Variants in CYP24A1 observed in about 807,000 individuals in gnomAD.
CYP24A1 encodes 1,25-dihydroxyvitamin D(3) 24-hydroxylase, mitochondrial.
In CYP24A1, 68 loss-of-function variants were observed where a neutral mutation model predicts 62.4. That is an observed-to-expected ratio of 1.09 (90% confidence interval 0.90 to 1.33). CYP24A1 has a LOEUF of 1.33. Ranked by LOEUF, CYP24A1 falls within the 40% of genes most tolerant of loss-of-function variation. CYP24A1 has a pLI of 0.00. For missense variants in CYP24A1, 787 were observed against 653.0 expected (o/e 1.21, Z -2.24); for synonymous variants, 267 against 253.0 (o/e 1.06, Z -0.52).
At chr20:54,147,653 T>C in the CYP24A1 span, among the ~76,000 whole-genome samples, 2 of 152,246 alleles carry the variant, frequency 1.3e-5, no homozygotes, top group Admixed American at 1.3e-4. Flanking sequence ...CCAGACAGCT[T>C]CTAAGAGTTT....
chr20:54,164,849 GA>G (rs2092665729), intron 5 of CYP24A1, among the ~76,000 whole-genome samples: 1 of 149,106 alleles, frequency 6.7e-6, no homozygotes, highest in Non-Finnish European at 1.5e-5. Context: ...AAAAAAAGAG[GA>G]AAAACGATAA....
chr20:54,165,124 G>A (rs1296625148), intron 5 of CYP24A1, among the ~76,000 whole-genome samples: 1 of 152,222 alleles, frequency 6.6e-6, no homozygotes, highest in Non-Finnish European at 1.5e-5. Context: ...CAACCCCCAG[G>A]CCGTGAACCA....
At chr20:54,161,797 G>C (rs1433752585) in intron 7 of CYP24A1, among the ~76,000 whole-genome samples, 2 of 152,194 alleles carry the variant, frequency 1.3e-5, no homozygotes, top group Non-Finnish European at 2.9e-5. Context: ...TGTGGAGCAG[G>C]AGGAGAAATG....
In CYP24A1 at chr20:54,164,567, A is replaced by C; in HGVS notation, c.733-4T>G. 1 of 1,614,162 alleles carries C rather than the reference A, an allele frequency of 6.2e-7. No homozygotes were observed. Among genetic ancestry groups the C allele is most frequent in the Non-Finnish European group, 8.5e-7 (1 of 1,180,018 alleles). ...TCCTCCCAAACGTGCTCATCATCTG[A>C]GAGAAATGCAAATGCCTTTTTATTC... On this transcript the variant is annotated splice_polypyrimidine_tract_variant and splice_region_variant and intron_variant, in intron 5 of 11. Coordinates refer to ENST00000216862, the MANE Select transcript of CYP24A1 (RefSeq NM_000782.5).
In CYP24A1 at chr20:54,173,802, T is replaced by C; in HGVS notation, c.-223A>G. On this transcript the variant is annotated 5_prime_UTR_variant, in exon 1 of 12. Coordinates refer to ENST00000216862, the MANE Select transcript of CYP24A1 (RefSeq NM_000782.5). This position sits in a 1 kb window ranked among gnomAD's most constrained non-coding sequence, Gnocchi z 7.2. ...ACAGCCTCAGAGCATTGGTGCCTCCTTGCACTGGCCGCAGGGGCTGGAAGA... is the reference window on the plus strand; with the variant it reads ...ACAGCCTCAGAGCATTGGTGCCTCCCTGCACTGGCCGCAGGGGCTGGAAGA... 1.7e-6 allele frequency: 1 copy of C among 588,322 alleles called. No homozygotes were observed. The highest frequency in any genetic ancestry group is 3.0e-6 in the Non-Finnish European group (1 of 330,082). The allele number at this position is 588,322 out of a possible 1,614,324, so 36.4% of individuals were successfully genotyped here.
downstream of CYP24A1, among the ~76,000 whole-genome samples, chr20:54,151,818 C>T (rs2092612954): frequency 6.6e-6 from 1 of 152,154 alleles, no homozygotes. Flanking sequence ...ATCCTGGCTT[C>T]CCTACATACT....
chr20:54,158,085 C>A lies in CYP24A1; in HGVS notation c.1236+1G>T. The A allele has an allele frequency of 1.2e-6, 2 of 1,613,552 alleles. No individual in the cohort carries two copies. The highest frequency in any genetic ancestry group is 1.7e-6 in the Non-Finnish European group (2 of 1,179,832). On this transcript the variant is annotated splice_donor_variant, in intron 9 of 11. Coordinates refer to ENST00000216862, the MANE Select transcript of CYP24A1 (RefSeq NM_000782.5). LOFTEE classifies it high-confidence loss of function. The stretch of plus-strand genomic sequence containing the variant: ...GTATAGAATATACAAATTCTACTTA[C>A]TCCTTTGGGTAAAGCATATTCACCC...
Position 54,158,183 on chromosome 20 carries a change from A to G in CYP24A1, c.1158-19T>C, listed in dbSNP as rs1413163633. On this transcript the variant is annotated intron_variant, in intron 8 of 11. Coordinates refer to ENST00000216862, the MANE Select transcript of CYP24A1 (RefSeq NM_000782.5). ...CGTAAGCCTGAAAAGATAAAATCAA[A>G]GATGTAAAGGTGAGCACAGTCTAAG... is the stretch of plus-strand genomic sequence containing the variant. The G allele has an allele frequency of 1.2e-6, 2 of 1,613,460 alleles. No homozygotes were observed. The highest frequency in any genetic ancestry group is 2.2e-5 in the South Asian group (2 of 91,042).
At chr20:54,167,517 A>C (rs1004826609) in intron 4 of CYP24A1, among the ~76,000 whole-genome samples, 1 of 152,160 alleles carries the variant, frequency 6.6e-6, no homozygotes, top group East Asian at 1.9e-4. Flanking sequence ...CACGCCTGCA[A>C]TACCAGCACT....
At chr20:54,164,665 T>C in intron 5 of CYP24A1, 102 bp from the exon 6 acceptor site, 2 of 1,597,654 alleles carry the variant, frequency 1.3e-6, no homozygotes, top group Non-Finnish European at 1.7e-6. Flanking sequence ...CCCTGCACTT[T>C]TTAAAAGGCT....
intron 7 of CYP24A1, chr20:54,162,456 C>G (rs1363657908): frequency 3.8e-6 from 1 of 264,238 alleles, no homozygotes; most frequent in Non-Finnish European, 6.6e-6. Context: ...CACATGAAGT[C>G]TCCTCCTACC....
chr20:54,169,700 A>G lies in CYP24A1; in HGVS notation c.544-12T>C. 1.2e-6 allele frequency: 2 copies of G among 1,613,990 alleles called. No individual in the cohort carries two copies. Among genetic ancestry groups the G allele is most frequent in the Non-Finnish European group, 1.7e-6 (2 of 1,179,980 alleles). ...AAATCGGCCAAGACCTTCAAAGAAA[A>G]CAACCGCAAAAGACACATTTTAAAG... On this transcript the variant is annotated splice_polypyrimidine_tract_variant and intron_variant, in intron 3 of 11. Coordinates refer to ENST00000216862, the MANE Select transcript of CYP24A1 (RefSeq NM_000782.5).
At chr20:54,158,307 AGTT>A in intron 8 of CYP24A1, 143 bp from the exon 9 acceptor site, 3 of 1,494,148 alleles carry the variant, frequency 2.0e-6, no homozygotes, top group Admixed American at 2.1e-5. Context: ...TTCCTAAAGA[AGTT>A]GTTTTTTTCT....
intron 11 of CYP24A1, among the ~76,000 whole-genome samples, chr20:54,155,981 G>T (rs1487854100): frequency 6.6e-6 from 1 of 152,148 alleles, no homozygotes; most frequent in African/African-American, 2.4e-5. Flanking sequence ...CATGGCAAAA[G>T]TTGTGGAGGG....
rs76966109 is a variant in CYP24A1, at chr20:54,165,489, T to C, written c.732+253A>G. ...TGCACTTAAATGATCCTCCCTCCCCTGCCCCACCACCCTGCCCTGTCCATG... is the reference window on the plus strand; with the variant it reads ...TGCACTTAAATGATCCTCCCTCCCCCGCCCCACCACCCTGCCCTGTCCATG... On this transcript the variant is annotated intron_variant, in intron 5 of 11. Coordinates refer to ENST00000216862, the MANE Select transcript of CYP24A1 (RefSeq NM_000782.5). Among the ~76,000 whole-genome samples the C allele has an allele frequency of 0.015, 2,315 of 152,258 alleles. 24 individuals are homozygous for C. The highest frequency in any genetic ancestry group is 0.02 in the Admixed American group (303 of 15,282).
In CYP24A1 at chr20:54,159,132, C is replaced by G. The variant is rs886056787; in HGVS notation, c.991-9G>C. 1 of 1,608,898 alleles carries G rather than the reference C, an allele frequency of 6.2e-7. No homozygotes were observed. Among genetic ancestry groups the G allele is most frequent in the Admixed American group, 1.7e-5 (1 of 60,010 alleles). On this transcript the variant is annotated splice_polypyrimidine_tract_variant and intron_variant, in intron 7 of 11. Transcript: ENST00000216862. ...ATTAGACTGTTTGCTGTCTGCAAGC[C>G]AAATGGACATAAACTTGAGTTTTTG...
chr20:54,146,861 T>G, the CYP24A1 span, among the ~76,000 whole-genome samples: 17 of 152,180 alleles, frequency 1.1e-4, no homozygotes, highest in African/African-American at 3.6e-4. Context: ...ATTTTATTGC[T>G]GATAAAGGAG....
chr20:54,169,612 A>G lies in CYP24A1; in HGVS notation c.620T>C (p.Leu207Pro), dbSNP rs1164342211. Residue 207 changes from leucine to proline, a missense_variant, in exon 4 of 12, where the codon CTG (leucine) becomes CCG (proline). Coordinates refer to ENST00000216862, the MANE Select transcript of CYP24A1 (RefSeq NM_000782.5). ...CTTACTTTCAAACGACCATTTGTTCAGTTCGCTGTACAAGTCTTCAACGTG... is the reference window on the plus strand; with the variant it reads ...CTTACTTTCAAACGACCATTTGTTCGGTTCGCTGTACAAGTCTTCAACGTG... ...RGHVEDLYSELNKWSFESICL... is the reference protein window; with the variant it reads ...RGHVEDLYSEPNKWSFESICL... The G allele has an allele frequency of 2.5e-6, 4 of 1,614,182 alleles. No individual in the cohort carries two copies. The highest frequency in any genetic ancestry group is 2.5e-6 in the Non-Finnish European group (3 of 1,180,020).
intron 6 of CYP24A1, among the ~76,000 whole-genome samples, chr20:54,164,193 C>T (rs1328018261): frequency 6.6e-6 from 1 of 152,194 alleles, no homozygotes; most frequent in Non-Finnish European, 1.5e-5. Flanking sequence ...GCCTGGGCCA[C>T]CCAAAGTGCT....
Sources: allele counts gnomAD v4.1 joint callset (sites outside exome capture counted in the v4.1 genomes callset), GRCh38; gene constraint gnomAD v4.1.1; non-coding constraint Gnocchi (gnomAD v3.1); transcripts MANE v1.5; gene names NCBI Gene and HGNC (gene_info 2026-07-23, HGNC 2026-07-21).